Variants in NBEA observed in about 807,000 individuals in gnomAD.
NBEA encodes lysosomal-trafficking regulator 2.
In NBEA, 44 loss-of-function variants were observed where a neutral mutation model predicts 343.4. The ratio of observed to expected loss-of-function variants is 0.13; its 90% CI spans 0.10 to 0.16. NBEA has a LOEUF of 0.16. Among genes scored for constraint, NBEA ranks in the 10% least tolerant of loss-of-function variants. The pLI is 1.00. For missense variants in NBEA, 2,555 were observed against 3,631.3 expected (o/e 0.70, Z 7.62); for synonymous variants, 1,175 against 1,238.7 (o/e 0.95, Z 1.08).
At chr13:35,022,193 T>C (rs2061867570) in intron 1 of NBEA, among the ~76,000 whole-genome samples, 1 of 152,082 alleles carries the variant, frequency 6.6e-6, no homozygotes, top group African/African-American at 2.4e-5. Context: ...ATCCTTACTA[T>C]ATCTATTGTT....
chr13:35,510,266 A>G (rs1376719870), intron 41 of NBEA, among the ~76,000 whole-genome samples: 6 of 152,180 alleles, frequency 3.9e-5, no homozygotes, highest in African/African-American at 1.4e-4. Flanking sequence ...AGAGGTTTTT[A>G]TTCACAACTT....
At chr13:35,351,103 G>A (rs1477362715) in intron 37 of NBEA, among the ~76,000 whole-genome samples, 1 of 151,776 alleles carries the variant, frequency 6.6e-6, no homozygotes, top group Admixed American at 6.6e-5. Flanking sequence ...ATTACTGTAG[G>A]GTTATTTCTC....
intron 45 of NBEA, among the ~76,000 whole-genome samples, chr13:35,567,342 A>G (rs1423220527): frequency 6.6e-6 from 1 of 152,202 alleles, no homozygotes; most frequent in Non-Finnish European, 1.5e-5. Flanking sequence ...TTTATGTGAT[A>G]TGTTCCTTAG....
intron 48 of NBEA, among the ~76,000 whole-genome samples, chr13:35,616,215 C>A (rs531062386): frequency 6.6e-6 from 1 of 152,090 alleles, no homozygotes; most frequent in Non-Finnish European, 1.5e-5. Flanking sequence ...AATGTAGTGT[C>A]CCCTTGTTCC....
chr13:35,591,343 T>C (rs2081531389), intron 46 of NBEA, among the ~76,000 whole-genome samples: 1 of 152,128 alleles, frequency 6.6e-6, no homozygotes. Context: ...GTGACAGATA[T>C]GTTATTTTCA....
chr13:35,263,985 TG>T (rs1450410097), intron 34 of NBEA, among the ~76,000 whole-genome samples: 2 of 149,890 alleles, frequency 1.3e-5, no homozygotes, highest in African/African-American at 2.4e-5. Context: ...CACAAAGAGT[TG>T]TTTTTTTTTT....
chr13:35,271,690 C>T (rs1378724797), intron 34 of NBEA, among the ~76,000 whole-genome samples: 3 of 152,032 alleles, frequency 2.0e-5, no homozygotes, highest in African/African-American at 4.8e-5. Flanking sequence ...AATTGCAGTA[C>T]GAGAACTTGG....
At chr13:35,016,559 A>G (rs1028544503) in intron 1 of NBEA, among the ~76,000 whole-genome samples, 2 of 150,324 alleles carry the variant, frequency 1.3e-5, no homozygotes, top group Non-Finnish European at 3.0e-5. Context: ...CTACAATACA[A>G]GCTCCACCGT....
chr13:35,311,759 C>G (rs559837576), intron 36 of NBEA, among the ~76,000 whole-genome samples: 3 of 152,146 alleles, frequency 2.0e-5, no homozygotes, highest in African/African-American at 7.2e-5. Context: ...GAGGCTGAGG[C>G]AGGAGAATCA....
At chr13:35,420,974 GT>G (rs1386684391) in intron 38 of NBEA, among the ~76,000 whole-genome samples, 1 of 151,170 alleles carries the variant, frequency 6.6e-6, no homozygotes, top group Non-Finnish European at 1.5e-5. Flanking sequence ...TTTCTCTGTT[GT>G]TTTTCTGTTT....
chr13:35,516,417 C>G (rs1160461623), intron 41 of NBEA, among the ~76,000 whole-genome samples: 1 of 152,078 alleles, frequency 6.6e-6, no homozygotes, highest in Non-Finnish European at 1.5e-5. Context: ...CATACTGTCT[C>G]TCTGTATGCC....
At chr13:35,341,681 C>A (rs555740240) in intron 36 of NBEA, among the ~76,000 whole-genome samples, 2 of 152,000 alleles carry the variant, frequency 1.3e-5, no homozygotes, top group Non-Finnish European at 2.9e-5. Flanking sequence ...TAAGATACCA[C>A]TTCATATTCA....
chr13:35,292,468 T>C (rs906325649), intron 35 of NBEA, among the ~76,000 whole-genome samples: 1 of 152,042 alleles, frequency 6.6e-6, no homozygotes, highest in Non-Finnish European at 1.5e-5. Context: ...TTCTACAGCC[T>C]TTAATGCATC....
At chr13:35,476,092 T>C in intron 41 of NBEA, 1 of 1,614,188 alleles carries the variant, frequency 6.2e-7, no homozygotes, top group Non-Finnish European at 8.5e-7. Context: ...TTTTTCGTTG[T>C]AGTATTTATT....
At chr13:35,566,375 A>G (rs1033479009) in intron 44 of NBEA, among the ~76,000 whole-genome samples, 29 of 152,218 alleles carry the variant, frequency 1.9e-4, no homozygotes, top group Middle Eastern at 3.4e-3. Flanking sequence ...TAAATAAATA[A>G]ATAAATAAAA....
chr13:34,973,874 T>A (rs1482899505), intron 1 of NBEA, among the ~76,000 whole-genome samples: 1 of 152,160 alleles, frequency 6.6e-6, no homozygotes, highest in Non-Finnish European at 1.5e-5. Context: ...TTGCTGGAGT[T>A]GCAGTCACTT....
intron 1 of NBEA, among the ~76,000 whole-genome samples, chr13:34,976,581 TTAAAA>T (rs1403108730): frequency 6.6e-6 from 1 of 152,066 alleles, no homozygotes; most frequent in African/African-American, 2.4e-5. Context: ...AATAAAAAAT[TTAAAA>T]TAAATTACAA....
chr13:35,156,977 G>A (rs1346430718), intron 20 of NBEA, 101 bp from the exon 21 acceptor site: 2 of 985,746 alleles, frequency 2.0e-6, no homozygotes, highest in Non-Finnish European at 2.9e-6. Context: ...CTTTACTGAG[G>A]TCAGATCATA....
In NBEA at chr13:35,422,230, G is replaced by A. The variant is rs1211971256; in HGVS notation, c.6180-10039G>A. On this transcript the variant is annotated intron_variant, in intron 38 of 58. Transcript: ENST00000379939. ...TGTTACATATGTATACACGTGCCAT[G>A]TTGGTATGCTGCACCCATTAACTCG... Among the ~76,000 whole-genome samples the A allele has an allele frequency of 2.0e-5, 3 of 150,586 alleles. No homozygotes were observed. The Admixed American group carries it at 2.0e-4, about 10-fold the overall frequency.
Sources: gnomAD v4.1 joint callset for allele counts (sites outside exome capture counted in the v4.1 genomes callset) on GRCh38, gnomAD v4.1.1 for gene constraint, MANE v1.5 for transcripts, NCBI Gene and HGNC (gene_info 2026-07-23, HGNC 2026-07-21) for gene names.